MAN1A2: variants seen among roughly 807,000 people sequenced by gnomAD.
MAN1A2 encodes the protein mannosidase alpha class 1A member 2, also known as mannosyl-oligosaccharide 1,2-alpha-mannosidase IB.
Under a neutral mutation model 75.7 loss-of-function variants are expected in MAN1A2, and 26 were observed. The observed-to-expected ratio is 0.34, with a 90% CI of 0.25 to 0.48. The LOEUF is 0.48. Among genes scored for constraint, MAN1A2 ranks in the 20% least tolerant of loss-of-function variants. MAN1A2 has a pLI of 0.99. For missense variants in MAN1A2, 562 were observed against 775.5 expected, an observed-to-expected ratio of 0.72 and a Z score of 3.27; for synonymous variants, 247 against 264.6, an observed-to-expected ratio of 0.93 and a Z score of 0.65.
intron 3 of MAN1A2, among the ~76,000 whole-genome samples, chr1:117,414,204 C>T (rs561889241): frequency 6.6e-6 from 1 of 151,488 alleles, no homozygotes; most frequent in Admixed American, 6.6e-5. Context: ...TTTTTTTCCA[C>T]TGTGGTTATC....
At chr1:117,378,109 A>T (rs1045435893) in intron 1 of MAN1A2, among the ~76,000 whole-genome samples, 4 of 152,138 alleles carry the variant, frequency 2.6e-5, no homozygotes, top group African/African-American at 9.7e-5. Context: ...CTCAAATAAC[A>T]AAATAAATAA....
chr1:117,388,674 C>T (rs1159755339), intron 1 of MAN1A2, among the ~76,000 whole-genome samples: 2 of 152,042 alleles, frequency 1.3e-5, no homozygotes, highest in Non-Finnish European at 2.9e-5. Flanking sequence ...CAAACACCTG[C>T]CAACAAGCCC....
At chr1:117,397,645 C>CTTTTT (rs34594031) in intron 1 of MAN1A2, among the ~76,000 whole-genome samples, 3 of 105,884 alleles carry the variant, frequency 2.8e-5, no homozygotes, top group East Asian at 2.5e-4. Context: ...TTATAACCCC[C>CTTTTT]TTTTTTTTTT....
At position 117,456,683 on chromosome 1, in the gene MAN1A2, T is replaced by A. The variant is rs190240697; in HGVS notation, c.951-3806T>A. Among the ~76,000 whole-genome samples, 109 of 152,188 alleles carry A rather than the reference T, an allele frequency of 7.2e-4. 1 individual carries two copies. The highest frequency in any genetic ancestry group is 2.6e-3 in the African/African-American group (108 of 41,592). On this transcript the variant is annotated intron_variant, in intron 6 of 12. Coordinates refer to ENST00000356554, the MANE Select transcript of MAN1A2 (RefSeq NM_006699.5). The stretch of plus-strand genomic sequence containing the variant: ...TCTAAATTTTTGCATATTAAAATGT[T>A]TAAATATTTCAGACCAGATATTTTT...
At chr1:117,410,336 A>G (rs1270164884) in intron 3 of MAN1A2, among the ~76,000 whole-genome samples, 1 of 151,962 alleles carries the variant, frequency 6.6e-6, no homozygotes, top group African/African-American at 2.4e-5. Context: ...AAATCATAGG[A>G]TTATCCCAGT....
At chr1:117,491,553 T>C (rs1315669206) in intron 8 of MAN1A2, among the ~76,000 whole-genome samples, 1 of 152,054 alleles carries the variant, frequency 6.6e-6, no homozygotes. Flanking sequence ...GAGATTAATG[T>C]TGGTTTCATG....
intron 1 of MAN1A2, among the ~76,000 whole-genome samples, chr1:117,389,150 A>C (rs376715722): frequency 6.6e-6 from 1 of 152,198 alleles, no homozygotes; most frequent in East Asian, 1.9e-4. Flanking sequence ...ATCTCATAAA[A>C]TATTGAAGCT....
At chr1:117,440,906 C>T (rs1018642105) in intron 5 of MAN1A2, among the ~76,000 whole-genome samples, 1 of 152,062 alleles carries the variant, frequency 6.6e-6, no homozygotes, top group African/African-American at 2.4e-5. Context: ...TGTTTACTAA[C>T]ATGTAAATGT....
rs185505720 is a variant in MAN1A2, at chr1:117,386,369, C to T, written c.303-15817C>T. The stretch of plus-strand genomic sequence containing the variant: ...GAGAGGCAGCTTGGAAACATGGGGA[C>T]ATTTTTTGGTTGTTAGAATGATGGG... On this transcript the variant is annotated intron_variant, in intron 1 of 12. Transcript: ENST00000356554. Among the ~76,000 whole-genome samples the T allele has an allele frequency of 7.2e-4, 109 of 152,152 alleles. 1 individual carries two copies. Among genetic ancestry groups the T allele is most frequent in the African/African-American group, 2.6e-3 (108 of 41,492 alleles).
At chr1:117,412,198 C>T (rs546648932) in intron 3 of MAN1A2, among the ~76,000 whole-genome samples, 7 of 151,562 alleles carry the variant, frequency 4.6e-5, no homozygotes, top group African/African-American at 1.4e-4. Context: ...TTTTTATTTC[C>T]TGTGTTTTTC....
chr1:117,369,830 A>T (rs907556943), intron 1 of MAN1A2, among the ~76,000 whole-genome samples: 2 of 152,234 alleles, frequency 1.3e-5, no homozygotes, highest in African/African-American at 4.8e-5. Flanking sequence ...TTTCCTTGAA[A>T]ATCTTATTTC....
At chr1:117,428,797 TTTTTTTTTTTA>T (rs1324639146) in intron 5 of MAN1A2, among the ~76,000 whole-genome samples, 2 of 146,754 alleles carry the variant, frequency 1.4e-5, no homozygotes, top group South Asian at 2.1e-4. Context: ...TTTTTTTTTT[TTTTTTTTTTTA>T]AATTTATTTT....
chr1:117,432,319 G>C (rs996222592), intron 5 of MAN1A2, among the ~76,000 whole-genome samples: 1 of 146,776 alleles, frequency 6.8e-6, no homozygotes, highest in Non-Finnish European at 1.5e-5. Flanking sequence ...ACAAAACAAG[G>C]AAAATATTAC....
At chr1:117,401,661 AG>A (rs1328999708) in intron 1 of MAN1A2, among the ~76,000 whole-genome samples, 2 of 152,208 alleles carry the variant, frequency 1.3e-5, no homozygotes, top group African/African-American at 2.4e-5. Flanking sequence ...GTTTTTAACA[AG>A]AGTTCAAGAG....
intron 1 of MAN1A2, among the ~76,000 whole-genome samples, chr1:117,377,116 G>GTT (rs1163048353): frequency 1.3e-5 from 2 of 152,120 alleles, no homozygotes; most frequent in African/African-American, 4.8e-5. Flanking sequence ...ATATCTGTAT[G>GTT]TTTATAATGT....
chr1:117,378,644 A>ATT (rs5777310), intron 1 of MAN1A2, among the ~76,000 whole-genome samples: 3 of 151,862 alleles, frequency 2.0e-5, no homozygotes, highest in Non-Finnish European at 2.9e-5. Context: ...TTGACTCTAA[A>ATT]TTTTTTTGTT....
chr1:117,426,078 T>G (rs370567527), intron 5 of MAN1A2, among the ~76,000 whole-genome samples: 1 of 152,102 alleles, frequency 6.6e-6, no homozygotes, highest in East Asian at 1.9e-4. Context: ...TTTTGAAAAA[T>G]TTTCTTTGGG....
chr1:117,421,282 A>C (rs1648180989), intron 5 of MAN1A2, among the ~76,000 whole-genome samples: 1 of 152,080 alleles, frequency 6.6e-6, no homozygotes, highest in Non-Finnish European at 1.5e-5. Flanking sequence ...TGTTTCACCC[A>C]TATTTTGGTT....
chr1:117,472,194 C>T (rs1035480254), intron 8 of MAN1A2, among the ~76,000 whole-genome samples: 1 of 151,880 alleles, frequency 6.6e-6, no homozygotes, highest in African/African-American at 2.4e-5. Flanking sequence ...CTTCCGCCTT[C>T]TCTATGTCCT....
Sources: gnomAD v4.1 joint callset for allele counts (sites outside exome capture counted in the v4.1 genomes callset) on GRCh38, gnomAD v4.1.1 for gene constraint, MANE v1.5 for transcripts, NCBI Gene and HGNC (gene_info 2026-07-23, HGNC 2026-07-21) for gene names.